GLIS3: variants seen among roughly 807,000 people sequenced by gnomAD.
GLIS3 encodes GLIS family zinc finger 3.
GLIS3 carries 53 observed loss-of-function variants against 78.6 expected under a neutral mutation model. The ratio of observed to expected loss-of-function variants is 0.67; its 90% confidence interval spans 0.54 to 0.85. The LOEUF (loss-of-function observed/expected upper bound fraction) is 0.85. Ranked by LOEUF, GLIS3 falls within the 40% of genes least tolerant of loss-of-function variation. GLIS3 has a pLI of 0.00. For missense variants in GLIS3, 1,703 were observed against 1,231.1 expected (o/e 1.38, Z -5.74); for synonymous variants, 684 against 509.9 (o/e 1.34, Z -4.60).
At chr9:4,012,327 G>C (rs1822080427) in intron 4 of GLIS3, among the ~76,000 whole-genome samples, 1 of 152,106 alleles carries the variant, frequency 6.6e-6, no homozygotes, top group African/African-American at 2.4e-5. Context: ...GAAGAGTGTG[G>C]TTAAAAGTAG....
chr9:4,024,250 A>T (rs955272194), intron 4 of GLIS3, among the ~76,000 whole-genome samples: 1 of 152,212 alleles, frequency 6.6e-6, no homozygotes, highest in African/African-American at 2.4e-5. Context: ...AAACCTTCTC[A>T]AAAAGGAAGT....
intron 2 of GLIS3, among the ~76,000 whole-genome samples, chr9:4,327,590 C>T (rs554266940): frequency 3.2e-4 from 48 of 152,286 alleles, no homozygotes; most frequent in African/African-American, 1.0e-3. Flanking sequence ...GAGTCACCAA[C>T]AATTCTGAGC....
At chr9:4,374,582 G>A in the GLIS3 span, among the ~76,000 whole-genome samples, 63 of 152,278 alleles carry the variant, frequency 4.1e-4, no homozygotes, top group African/African-American at 1.5e-3. Flanking sequence ...CCCTTTCTTG[G>A]GGAACTATTC....
At chr9:4,228,920 A>G (rs1013218980) in intron 2 of GLIS3, among the ~76,000 whole-genome samples, 7 of 152,206 alleles carry the variant, frequency 4.6e-5, no homozygotes, top group Non-Finnish European at 8.8e-5. Context: ...CTACTCTAAA[A>G]TAAAACAAAC....
At chr9:3,862,607 G>A (rs748653884) in intron 8 of GLIS3, among the ~76,000 whole-genome samples, 2 of 152,020 alleles carry the variant, frequency 1.3e-5, no homozygotes, top group Non-Finnish European at 2.9e-5. Context: ...CATTTGTACT[G>A]TACGCACAAG....
chr9:4,478,149 A>G, the GLIS3 span, among the ~76,000 whole-genome samples: 35 of 152,148 alleles, frequency 2.3e-4, no homozygotes, highest in African/African-American at 7.7e-4. Flanking sequence ...CAAAGACACT[A>G]TTGAAACAAG....
At chr9:4,195,081 C>T (rs1266548610) in intron 2 of GLIS3, among the ~76,000 whole-genome samples, 1 of 152,246 alleles carries the variant, frequency 6.6e-6, no homozygotes, top group Non-Finnish European at 1.5e-5. Flanking sequence ...TAGAACTGTG[C>T]TCTCCCCAAC....
the GLIS3 span, among the ~76,000 whole-genome samples, chr9:4,442,474 T>A: frequency 6.6e-6 from 1 of 152,138 alleles, no homozygotes; most frequent in African/African-American, 2.4e-5. Flanking sequence ...ACCCTGAGTA[T>A]TCCAGAACTT....
chr9:3,980,532 G>A (rs1314426306), intron 4 of GLIS3, among the ~76,000 whole-genome samples: 6 of 152,156 alleles, frequency 3.9e-5, no homozygotes, highest in Non-Finnish European at 5.9e-5. Context: ...CTTCCCAGAT[G>A]ACCTTGCTGT....
chr9:4,451,253 G>A, the GLIS3 span, among the ~76,000 whole-genome samples: 1 of 152,058 alleles, frequency 6.6e-6, no homozygotes, highest in Non-Finnish European at 1.5e-5. Context: ...AGACAAAGAA[G>A]GCCACTACAT....
At chr9:4,220,832 C>G (rs6476827) in intron 2 of GLIS3, among the ~76,000 whole-genome samples, 36,262 of 151,844 alleles carry the variant, frequency 0.24, 5,150 homozygotes, top group Non-Finnish European at 0.32. Context: ...ATATGTGTCT[C>G]AAATTAACCA....
chr9:4,119,816 C>T (rs34376875), intron 3 of GLIS3, among the ~76,000 whole-genome samples: 5,951 of 152,302 alleles, frequency 0.039, 178 homozygotes, highest in East Asian at 0.12. Context: ...GCTCTGGTCA[C>T]TTTAAAATTC....
At chr9:4,360,122 G>T in the GLIS3 span, among the ~76,000 whole-genome samples, 2 of 152,044 alleles carry the variant, frequency 1.3e-5, no homozygotes, top group Non-Finnish European at 1.5e-5. Context: ...CTCAATGAGG[G>T]CACAGGTTTT....
At chr9:4,261,798 A>T (rs1825552022) in intron 2 of GLIS3, among the ~76,000 whole-genome samples, 1 of 152,208 alleles carries the variant, frequency 6.6e-6, no homozygotes, top group South Asian at 2.1e-4. Flanking sequence ...CCATGAAAAT[A>T]GGTCCTTTTC....
chr9:4,301,043 G>C (rs1817049583), upstream of GLIS3, among the ~76,000 whole-genome samples: 1 of 152,014 alleles, frequency 6.6e-6, no homozygotes, highest in African/African-American at 2.4e-5. Flanking sequence ...AGTCCTCAAG[G>C]ACACAAATGA....
intron 4 of GLIS3, among the ~76,000 whole-genome samples, chr9:4,019,407 C>CAGCT (rs1280083064): frequency 3.9e-5 from 6 of 152,314 alleles, no homozygotes; most frequent in Middle Eastern, 6.8e-3. Flanking sequence ...CACTGTTTGG[C>CAGCT]AGCTGTACCA....
chr9:4,272,538 A>T, intron 2 of GLIS3, among the ~76,000 whole-genome samples: 1 of 152,170 alleles, frequency 6.6e-6, no homozygotes, highest in East Asian at 1.9e-4. Flanking sequence ...CTTATTTTCA[A>T]TGGGAATACC....
chr9:4,103,417 A>G (rs1830522131), intron 4 of GLIS3, among the ~76,000 whole-genome samples: 1 of 152,124 alleles, frequency 6.6e-6, no homozygotes, highest in Non-Finnish European at 1.5e-5. Flanking sequence ...GAAGCCCGGC[A>G]ACTGAGAAGA....
chr9:4,013,454 G>T (rs531446615), intron 4 of GLIS3, among the ~76,000 whole-genome samples: 1 of 152,312 alleles, frequency 6.6e-6, no homozygotes, highest in Non-Finnish European at 1.5e-5. Flanking sequence ...TGTCCTTGGA[G>T]ATTCATTGTT....
Sources: gnomAD v4.1 joint callset for allele counts (sites outside exome capture counted in the v4.1 genomes callset) on GRCh38, gnomAD v4.1.1 for gene constraint, MANE v1.5 for transcripts, NCBI Gene and HGNC (gene_info 2026-07-23, HGNC 2026-07-21) for gene names.